MYCBP2: variants seen among roughly 807,000 people sequenced by gnomAD.
MYCBP2 encodes the protein E3 ubiquitin-protein ligase MYCBP2.
Under a neutral mutation model 525.3 loss-of-function variants are expected in MYCBP2, and 120 were observed. The ratio of observed to expected loss-of-function variants is 0.23; its 90% CI spans 0.20 to 0.27. The LOEUF is 0.27. Ranked by LOEUF, MYCBP2 falls within the 10% of genes least tolerant of loss-of-function variation. The probability of loss-of-function intolerance (pLI) is 1.00; values close to 1 mark genes in which losing one functional copy is unlikely to be tolerated. For synonymous variants in MYCBP2, 1,894 were observed against 1,955.8 expected (o/e 0.97, Z 0.83); for missense variants, 4,149 against 5,657.1 (o/e 0.73, Z 8.55).
At chr13:77,126,230 A>T in intron 53 of MYCBP2, 88 bp downstream of exon 53, 1 of 1,115,514 alleles carries the variant, frequency 9.0e-7, no homozygotes, top group Non-Finnish European at 1.3e-6. Flanking sequence ...AACCTGTGGT[A>T]GAAATGGCAA....
rs547820363 is a variant in MYCBP2, at chr13:77,206,624, A to G, written c.3589+29T>C. 9 of 1,535,170 alleles carry G rather than the reference A, an allele frequency of 5.9e-6. No homozygotes were observed. The Admixed American group carries it at 1.6e-4, about 28-fold the overall frequency. On this transcript the variant is annotated intron_variant, in intron 24 of 82. Coordinates refer to ENST00000544440, the MANE Select transcript of MYCBP2 (RefSeq NM_015057.5). ...CCCTGGACAGCACACATTAATGTGAATTAATGGTACATCAAATCGCAACCC... is the reference window on the plus strand; with the variant it reads ...CCCTGGACAGCACACATTAATGTGAGTTAATGGTACATCAAATCGCAACCC...
intron 52 of MYCBP2, among the ~76,000 whole-genome samples, chr13:77,127,648 C>T (rs943983721): frequency 1.3e-5 from 2 of 151,792 alleles, no homozygotes; most frequent in African/African-American, 2.4e-5. Flanking sequence ...TAACAACTAA[C>T]ATTATGCAAG....
chr13:77,156,146 T>C lies in MYCBP2; in HGVS notation c.6827A>G (p.Lys2276Arg). 6.2e-7 allele frequency: 1 copy of C among 1,614,078 alleles called. No individual in the cohort carries two copies. The highest frequency in any genetic ancestry group is 8.5e-7 in the Non-Finnish European group (1 of 1,179,960). The change falls in exon 46 of 83, where the codon AAG (lysine) becomes AGG (arginine). Residue 2276 changes from lysine (K) to arginine (R), a missense_variant. Physicochemically the swap from Lys to Arg is conservative, Grantham distance 26 (BLOSUM62 2). Coordinates refer to ENST00000544440, the MANE Select transcript of MYCBP2 (RefSeq NM_015057.5). ...AGGCCAACCACAACGAATATCATCC[T>C]TATTCAGGATCAAAGATGTTTTCTG... ...DPQKTSLILN[K>R]DDIRCGWPTT...
chr13:77,192,186 C>T (rs1349142344), intron 27 of MYCBP2, among the ~76,000 whole-genome samples: 1 of 152,214 alleles, frequency 6.6e-6, no homozygotes, highest in East Asian at 1.9e-4. Flanking sequence ...TTTTGAAAGG[C>T]AGCATATTAA....
At chr13:77,072,305 A>T (rs1242860619) in intron 68 of MYCBP2, among the ~76,000 whole-genome samples, 671 of 59,472 alleles carry the variant, frequency 0.011, 4 homozygotes, top group Admixed American at 0.025. Flanking sequence ...AAAAAGAAAA[A>T]AAAAAAAAAA....
At chr13:77,199,660 G>C (rs1402173507) in intron 26 of MYCBP2, among the ~76,000 whole-genome samples, 1 of 152,184 alleles carries the variant, frequency 6.6e-6, no homozygotes, top group Non-Finnish European at 1.5e-5. Flanking sequence ...GCTTTGAAGA[G>C]AGCAGTGGTT....
At position 77,177,783 on chromosome 13, in the gene MYCBP2, T is replaced by C. The variant is rs775355286; in HGVS notation, c.5305A>G (p.Ile1769Val). 16 of 1,613,848 alleles carry C rather than the reference T, an allele frequency of 9.9e-6. No individual in the cohort carries two copies. Among genetic ancestry groups the C allele is most frequent in the African/African-American group, 4.0e-5 (3 of 74,926 alleles). The stretch of plus-strand genomic sequence containing the variant: ...AACACCTCTAATTCATATTCATGAA[T>C]TCCACCTCCTCCATAGACAGAGAAA... ...VGFSVYGGGG[I>V]HEYELEVLVD... The change falls in exon 35 of 83, where the codon ATT becomes GTT. Residue 1769 changes from isoleucine to valine, a missense_variant. This residue lies in a region of MYCBP2 where 109 missense variants were observed against 118.9 expected (regional missense o/e 0.92). Transcript: ENST00000544440.
At chr13:77,092,266 G>C in intron 59 of MYCBP2, among the ~76,000 whole-genome samples, 1 of 152,056 alleles carries the variant, frequency 6.6e-6, no homozygotes, top group East Asian at 1.9e-4. Flanking sequence ...AGTTATTCGT[G>C]ACTGAAATCT....
chr13:77,161,249 G>A (rs900639186), intron 44 of MYCBP2, among the ~76,000 whole-genome samples: 1 of 152,196 alleles, frequency 6.6e-6, no homozygotes, highest in Admixed American at 6.5e-5. Context: ...AAACAATGTA[G>A]TCATCTCTAG....
intron 26 of MYCBP2, among the ~76,000 whole-genome samples, chr13:77,196,008 C>T (rs2061718324): frequency 6.6e-6 from 1 of 152,134 alleles, no homozygotes; most frequent in African/African-American, 2.4e-5. Context: ...GCAAACAATA[C>T]AATCAAAGAA....
chr13:77,191,568 C>G, intron 28 of MYCBP2, 111 bp downstream of exon 28: 2 of 1,266,746 alleles, frequency 1.6e-6, no homozygotes, highest in Non-Finnish European at 2.2e-6. Context: ...TTATATTATG[C>G]TCTAGTCTTC....
At chr13:77,276,816 G>GTTTTTTTTTTTTTTTTTTTTTTTTT (rs397851660) in intron 4 of MYCBP2, among the ~76,000 whole-genome samples, 2 of 76,220 alleles carry the variant, frequency 2.6e-5, no homozygotes, top group African/African-American at 1.1e-4. Flanking sequence ...TCCATGCCCA[G>GTTTTTTTTTTTTTTTTTTTTTTTTT]TTTTTTTTTT....
chr13:77,310,357 AG>A (rs2154375356), intron 1 of MYCBP2, among the ~76,000 whole-genome samples: 1 of 152,230 alleles, frequency 6.6e-6, no homozygotes, highest in Admixed American at 6.5e-5. Flanking sequence ...CCACCTACTC[AG>A]GGGTCAGCAA....
Position 77,326,813 on chromosome 13 carries a change from CG to C in MYCBP2, c.-39del. The C allele has an allele frequency of 7.2e-7, 1 of 1,386,412 alleles. No individual in the cohort carries two copies. Among genetic ancestry groups the C allele is most frequent in the Admixed American group, 4.0e-5 (1 of 25,166 alleles). 85.9% of individuals were successfully genotyped at this position (1,386,412 alleles called of 1,614,324 possible). A position where few individuals can be genotyped will look rare whatever the true frequency, so the allele number is the denominator to read the frequency against. On this transcript the variant is annotated 5_prime_UTR_variant, in exon 1 of 83. Transcript: ENST00000544440. The surrounding 1 kb of genome is among the most constrained non-coding windows in gnomAD (Gnocchi z 4.2). ...CGCCGCCGCCGCCGCCTCGTCCCCG[CG>C]GGCCGGGCGGGCAGACACGCGCGCG...
At chr13:77,219,489 G>A (rs1286740123) in intron 20 of MYCBP2, among the ~76,000 whole-genome samples, 1 of 151,486 alleles carries the variant, frequency 6.6e-6, no homozygotes, top group African/African-American at 2.4e-5. Context: ...AGAGATTTGA[G>A]GAAGTTTAAA....
chr13:77,188,229 G>A (rs1415722786), intron 30 of MYCBP2, among the ~76,000 whole-genome samples: 1 of 152,050 alleles, frequency 6.6e-6, no homozygotes, highest in East Asian at 1.9e-4. Flanking sequence ...TTGGTGGGTT[G>A]AAAAATAAAT....
intron 60 of MYCBP2, among the ~76,000 whole-genome samples, chr13:77,089,523 G>T (rs1409118521): frequency 2.0e-5 from 3 of 152,024 alleles, no homozygotes; most frequent in Non-Finnish European, 2.9e-5. Context: ...TTTAGCAAGT[G>T]ATCTCTCTGA....
At chr13:77,071,269 A>ACGCG (rs1172668839) in intron 68 of MYCBP2, among the ~76,000 whole-genome samples, 26 of 122,910 alleles carry the variant, frequency 2.1e-4, no homozygotes, top group African/African-American at 7.9e-4. Context: ...GTGTGTGCAC[A>ACGCG]CGCACACACA....
rs1327473806 is a variant in MYCBP2, at chr13:77,158,025, A to G, written c.6682T>C (p.Leu2228=). ...TCATTGCTTTGGATTTGGAGTGGTA[A>G]ATTTCCCTCAAGTGCTTCTAATATA... ...PTILEALEGN[L]PLQIQSNEQS... is the part of the protein sequence containing the mutation. Residue 2228 remains leucine (L), a synonymous_variant, in exon 45 of 83, where the codon TTA becomes CTA. Coordinates refer to ENST00000544440, the MANE Select transcript of MYCBP2 (RefSeq NM_015057.5). The G allele has an allele frequency of 6.2e-7, 1 of 1,613,666 alleles. No homozygotes were observed. Among genetic ancestry groups the G allele is most frequent in the Non-Finnish European group, 8.5e-7 (1 of 1,179,706 alleles).
Sources: gnomAD v4.1 joint callset for allele counts (sites outside exome capture counted in the v4.1 genomes callset) on GRCh38, gnomAD v4.1.1 for gene constraint, gnomAD v4.1.1 regional missense constraint, Gnocchi (gnomAD v3.1) non-coding constraint, MANE v1.5 for transcripts, NCBI Gene and HGNC (gene_info 2026-07-23, HGNC 2026-07-21) for gene names.